The following MAGI2 variants were observed in gnomAD, a reference collection of about 807,000 sequenced individuals.
The protein encoded by MAGI2 is membrane-associated guanylate kinase, WW and PDZ domain-containing protein 2.
Under a neutral mutation model 133.3 loss-of-function variants are expected in MAGI2, and 35 were observed. That is an observed-to-expected ratio of 0.26 (90% CI 0.20 to 0.35). MAGI2 has a LOEUF of 0.35. MAGI2 is among the 10% of genes least tolerant of loss of function. MAGI2 has a pLI of 1.00. For missense variants in MAGI2, 1,636 were observed against 1,863.4 expected (o/e 0.88, Z 2.25); for synonymous variants, 729 against 710.6 (o/e 1.03, Z -0.41).
intron 1 of MAGI2, among the ~76,000 whole-genome samples, chr7:79,254,928 C>G (rs7782460): frequency 0.63 from 96,041 of 152,028 alleles, 31,091 homozygotes; most frequent in Non-Finnish European, 0.7. Flanking sequence ...TAGAAGTTCA[C>G]GGGAGAGAGG....
chr7:78,308,544 T>A (rs1395133742), intron 9 of MAGI2, among the ~76,000 whole-genome samples: 1 of 152,192 alleles, frequency 6.6e-6, no homozygotes, highest in East Asian at 1.9e-4. Flanking sequence ...TTTTTCTTTT[T>A]TTTTCTGGAA....
intron 6 of MAGI2, among the ~76,000 whole-genome samples, chr7:78,455,308 A>T (rs756861469): frequency 2.6e-5 from 4 of 152,170 alleles, no homozygotes; most frequent in Non-Finnish European, 2.9e-5. Context: ...ATCTGTTGTT[A>T]TACTGGTTTC....
At chr7:79,387,948 A>G (rs924154690) in intron 1 of MAGI2, among the ~76,000 whole-genome samples, 1 of 152,040 alleles carries the variant, frequency 6.6e-6, no homozygotes, top group African/African-American at 2.4e-5. Context: ...AATAATTTAC[A>G]TTATTTAATC....
chr7:79,164,685 A>T (rs1044085074), intron 1 of MAGI2, among the ~76,000 whole-genome samples: 1 of 152,070 alleles, frequency 6.6e-6, no homozygotes, highest in African/African-American at 2.4e-5. Flanking sequence ...ACATTTACCT[A>T]GAGCTTGAAA....
intron 3 of MAGI2, among the ~76,000 whole-genome samples, chr7:78,578,530 A>G (rs1802504870): frequency 6.6e-6 from 1 of 152,194 alleles, no homozygotes; most frequent in Non-Finnish European, 1.5e-5. Context: ...AGAACTGAGG[A>G]GTGAGAATAA....
At chr7:78,555,552 C>G (rs960931171) in intron 3 of MAGI2, among the ~76,000 whole-genome samples, 1 of 151,826 alleles carries the variant, frequency 6.6e-6, no homozygotes, top group Non-Finnish European at 1.5e-5. Flanking sequence ...TTAAACTAGC[C>G]CCAATTAAGC....
intron 6 of MAGI2, among the ~76,000 whole-genome samples, chr7:78,384,395 T>C (rs1345778626): frequency 1.3e-5 from 2 of 152,190 alleles, no homozygotes; most frequent in African/African-American, 2.4e-5. Flanking sequence ...TAATTATTAA[T>C]TCATTACAAT....
intron 20 of MAGI2, among the ~76,000 whole-genome samples, chr7:78,110,520 C>T (rs1392162159): frequency 6.6e-6 from 1 of 152,220 alleles, no homozygotes; most frequent in Non-Finnish European, 1.5e-5. Flanking sequence ...CTCTTCCCCG[C>T]ACCATGCTTG....
At chr7:78,437,137 C>T (rs904961130) in intron 6 of MAGI2, among the ~76,000 whole-genome samples, 3 of 152,106 alleles carry the variant, frequency 2.0e-5, no homozygotes, top group African/African-American at 7.2e-5. Context: ...GACAGAAATG[C>T]TATTGCTCTG....
At chr7:78,287,549 C>T (rs187244766) in intron 9 of MAGI2, among the ~76,000 whole-genome samples, 23 of 152,180 alleles carry the variant, frequency 1.5e-4, no homozygotes, top group Non-Finnish European at 2.2e-4. Flanking sequence ...AGTTAAAACA[C>T]AAATAAGTAG....
chr7:78,470,538 C>G (rs112135111), intron 6 of MAGI2, among the ~76,000 whole-genome samples: 6,656 of 152,068 alleles, frequency 0.044, 210 homozygotes, highest in Non-Finnish European at 0.064. Flanking sequence ...TATAATTCAC[C>G]TTTTTCGTTC....
At chr7:78,747,869 A>C (rs1230798266) in intron 2 of MAGI2, among the ~76,000 whole-genome samples, 1 of 152,180 alleles carries the variant, frequency 6.6e-6, no homozygotes, top group East Asian at 1.9e-4. Flanking sequence ...GGTGTGAGCC[A>C]AGACTGTAAG....
At chr7:78,225,126 A>C (rs1325360378) in intron 10 of MAGI2, among the ~76,000 whole-genome samples, 1 of 152,084 alleles carries the variant, frequency 6.6e-6, no homozygotes, top group Non-Finnish European at 1.5e-5. Context: ...CTGCTGTAAG[A>C]CCCAAGGCTG....
intron 1 of MAGI2, among the ~76,000 whole-genome samples, chr7:79,036,557 G>A (rs1342714560): frequency 6.6e-6 from 1 of 152,170 alleles, no homozygotes; most frequent in East Asian, 1.9e-4. Flanking sequence ...AAGCCGTTAA[G>A]CAAGATTTAG....
At chr7:78,854,393 C>T (rs1793443102) in intron 2 of MAGI2, among the ~76,000 whole-genome samples, 2 of 151,924 alleles carry the variant, frequency 1.3e-5, no homozygotes, top group South Asian at 4.1e-4. Context: ...AAAACTTATA[C>T]TTGTTTTATA....
At chr7:78,353,824 T>C (rs1031425732) in intron 7 of MAGI2, among the ~76,000 whole-genome samples, 3 of 152,216 alleles carry the variant, frequency 2.0e-5, no homozygotes, top group African/African-American at 4.8e-5. Context: ...GGTGGCAATG[T>C]GGGAGCAAGA....
At chr7:78,973,860 C>A (rs371094541) in intron 2 of MAGI2, among the ~76,000 whole-genome samples, 2 of 151,866 alleles carry the variant, frequency 1.3e-5, no homozygotes, top group African/African-American at 4.8e-5. Context: ...CTCCTCATTT[C>A]TTGGGATCAG....
At chr7:79,417,101 C>T (rs1846587343) in intron 1 of MAGI2, among the ~76,000 whole-genome samples, 1 of 152,040 alleles carries the variant, frequency 6.6e-6, no homozygotes, top group Non-Finnish European at 1.5e-5. Context: ...AAAGAAAATT[C>T]ACAGGCCTAT....
intron 9 of MAGI2, among the ~76,000 whole-genome samples, chr7:78,282,183 T>TA (rs11402295): frequency 0.27 from 40,496 of 152,004 alleles, 7,429 homozygotes; most frequent in African/African-American, 0.52. Flanking sequence ...CTTTGGAATA[T>TA]AATCAATGTC....
Sources: allele counts gnomAD v4.1 joint callset (sites outside exome capture counted in the v4.1 genomes callset), GRCh38; gene constraint gnomAD v4.1.1; transcripts MANE v1.5; gene names NCBI Gene and HGNC (gene_info 2026-07-23, HGNC 2026-07-21).